DHX9: variants seen among roughly 807,000 people sequenced by gnomAD.
DHX9 encodes DExH-box helicase 9.
In DHX9, 27 loss-of-function variants were observed where a neutral mutation model predicts 148.7. The observed-to-expected ratio is 0.18, with a 90% CI of 0.13 to 0.25. The LOEUF (loss-of-function observed/expected upper bound fraction) is 0.25. Among genes scored for constraint, DHX9 ranks in the 10% least tolerant of loss-of-function variants. The pLI is 1.00. For missense variants in DHX9, 796 were observed against 1,559.6 expected (o/e 0.51, Z 8.25); for synonymous variants, 529 against 516.6 (o/e 1.02, Z -0.33).
intron 3 of DHX9, among the ~76,000 whole-genome samples, chr1:182,844,464 T>C (rs1270352713): frequency 6.6e-6 from 1 of 152,216 alleles, no homozygotes; most frequent in African/African-American, 2.4e-5. Flanking sequence ...ACTTCAGCTC[T>C]TCCCCAGTAG....
At chr1:182,866,811 A>G (rs1369380357) in intron 13 of DHX9, 150 bp from the exon 14 acceptor site, 9 of 755,960 alleles carry the variant, frequency 1.2e-5, no homozygotes, top group Middle Eastern at 2.8e-4. Context: ...ACTATATTTC[A>G]TAGTACACTA....
At chr1:182,886,683 C>T (rs745824749) in intron 27 of DHX9, among the ~76,000 whole-genome samples, 17 of 152,234 alleles carry the variant, frequency 1.1e-4, no homozygotes, top group Admixed American at 2.6e-4. Context: ...GGCATTATTA[C>T]CAAGGACATT....
intron 15 of DHX9, among the ~76,000 whole-genome samples, chr1:182,873,137 G>A (rs1048703404): frequency 2.0e-5 from 3 of 151,930 alleles, no homozygotes; most frequent in Admixed American, 6.6e-5. Context: ...TGTATATTTT[G>A]TAGAGACAAG....
At chr1:182,858,385 G>C (rs1668293697) in intron 8 of DHX9, 145 bp downstream of exon 8, 1 of 1,121,476 alleles carries the variant, frequency 8.9e-7, no homozygotes. Flanking sequence ...TGTCTGGCAT[G>C]ATGTTCATAA....
In DHX9 at chr1:182,887,967, T is replaced by C. The variant is rs1649409441; in HGVS notation, c.*533T>C. On this transcript the variant is annotated 3_prime_UTR_variant, in exon 28 of 28. Coordinates refer to ENST00000367549, the MANE Select transcript of DHX9 (RefSeq NM_001357.5). Reference sequence around the variant, plus strand: ...AGCCACATAAACCTGAATAAAACTTTTGACCTAGGGTTGAACATTTGGCTT... The same window carrying C: ...AGCCACATAAACCTGAATAAAACTTCTGACCTAGGGTTGAACATTTGGCTT... 6.6e-6 allele frequency among the ~76,000 whole-genome samples: 1 copy of C among 152,230 alleles called. No individual in the cohort carries two copies. The highest frequency in any genetic ancestry group is 6.5e-5 in the Admixed American group (1 of 15,282).
intron 14 of DHX9, 81 bp downstream of exon 14, chr1:182,867,124 T>G: frequency 2.4e-6 from 2 of 845,790 alleles, no homozygotes; most frequent in Non-Finnish European, 3.5e-6. Context: ...TGTTTTCCCT[T>G]TCCCCCGTTT....
At chr1:182,853,063 A>T (rs1284788751) in intron 4 of DHX9, among the ~76,000 whole-genome samples, 2 of 144,162 alleles carry the variant, frequency 1.4e-5, no homozygotes, top group Non-Finnish European at 3.0e-5. Flanking sequence ...AGTAGCTGGG[A>T]TTACAGGCAT....
At chr1:182,876,747 A>G in intron 18 of DHX9, 83 bp from the exon 19 acceptor site, 1 of 1,099,964 alleles carries the variant, frequency 9.1e-7, no homozygotes, top group Non-Finnish European at 1.3e-6. Context: ...TTTTCTTGTC[A>G]TTTGTTACAT....
At chr1:182,872,231 AGAAACTGAATTTAATT>A in intron 14 of DHX9, 90 bp from the exon 15 acceptor site, 1 of 928,750 alleles carries the variant, frequency 1.1e-6, no homozygotes, top group Non-Finnish European at 1.6e-6. Context: ...GAGTCATCTA[AGAAACTGAATTTAATT>A]GATGTCTTAT....
At chr1:182,852,374 G>A in intron 4 of DHX9, 30 bp downstream of exon 4, 1 of 1,474,400 alleles carries the variant, frequency 6.8e-7, no homozygotes, top group Non-Finnish European at 9.4e-7. Flanking sequence ...GCACGTGGTG[G>A]AGAATAAGAT....
chr1:182,859,188 T>A (rs1317556228), intron 11 of DHX9, 71 bp downstream of exon 11: 4 of 1,392,282 alleles, frequency 2.9e-6, no homozygotes, highest in Non-Finnish European at 4.1e-6. Flanking sequence ...AAAAAGTCAA[T>A]GAGCAGTACA....
intron 15 of DHX9, among the ~76,000 whole-genome samples, chr1:182,873,080 T>C (rs58360935): frequency 0.16 from 23,850 of 152,044 alleles, 2,698 homozygotes; most frequent in African/African-American, 0.32. Context: ...CTCAGCTTCC[T>C]GAGTACCTGG....
At chr1:182,863,753 T>C (rs1234264106) in intron 12 of DHX9, among the ~76,000 whole-genome samples, 3 of 152,116 alleles carry the variant, frequency 2.0e-5, no homozygotes, top group Non-Finnish European at 2.9e-5. Flanking sequence ...ATGCCTGTCC[T>C]GTGAATATTT....
intron 21 of DHX9, among the ~76,000 whole-genome samples, chr1:182,880,018 C>T (rs958158341): frequency 3.9e-5 from 6 of 152,174 alleles, no homozygotes; most frequent in Admixed American, 1.3e-4. Context: ...GCCACTGTGT[C>T]CAGCCTGGAA....
chr1:182,839,479 A>G (rs1436783938), intron 1 of DHX9, 23 bp downstream of exon 1: 2 of 153,416 alleles, frequency 1.3e-5, no homozygotes, highest in African/African-American at 2.4e-5. Flanking sequence ...CGTTCCGGCT[A>G]CCATGCGGGG....
intron 3 of DHX9, among the ~76,000 whole-genome samples, chr1:182,845,460 C>G (rs2102588963): frequency 6.6e-6 from 1 of 151,704 alleles, no homozygotes; most frequent in East Asian, 1.9e-4. Flanking sequence ...CCTCTTCTCT[C>G]ATACCACAAC....
intron 7 of DHX9, among the ~76,000 whole-genome samples, 171 bp downstream of exon 7, chr1:182,856,749 A>G (rs1269918994): frequency 6.6e-6 from 1 of 152,240 alleles, no homozygotes; most frequent in East Asian, 1.9e-4. Context: ...ATTAGAGGCA[A>G]AGTCTCCCAG....
At chr1:182,863,504 A>G (rs1013707325) in intron 12 of DHX9, among the ~76,000 whole-genome samples, 3 of 152,224 alleles carry the variant, frequency 2.0e-5, no homozygotes, top group African/African-American at 4.8e-5. Context: ...ATTCCTTATA[A>G]TAGAAGTGGC....
intron 1 of DHX9, among the ~76,000 whole-genome samples, chr1:182,840,296 C>T (rs1013642566): frequency 2.9e-5 from 4 of 137,830 alleles, no homozygotes; most frequent in African/African-American, 1.2e-4. Flanking sequence ...GGAATTCTTG[C>T]GCCTTTTTTT....
Sources: gnomAD v4.1 joint callset for allele counts (sites outside exome capture counted in the v4.1 genomes callset) on GRCh38, gnomAD v4.1.1 for gene constraint, MANE v1.5 for transcripts, NCBI Gene and HGNC (gene_info 2026-07-23, HGNC 2026-07-21) for gene names.